Variants in HOXA3 observed in about 807,000 individuals in gnomAD.
HOXA3 encodes homeobox A3.
In HOXA3, 8 loss-of-function variants were observed where a neutral mutation model predicts 30.3. That is an observed-to-expected ratio of 0.26 (90% CI 0.15 to 0.48). The LOEUF (loss-of-function observed/expected upper bound fraction) is 0.48. HOXA3 is among the 20% of genes least tolerant of loss of function. The pLI is 0.99. For synonymous variants in HOXA3, 323 were observed against 273.1 expected, an observed-to-expected ratio of 1.18 and a Z score of -1.80; for missense variants, 653 against 614.4, an observed-to-expected ratio of 1.06 and a Z score of -0.66.
At chr7:27,139,835 C>G (rs1285291062) in intron 2 of HOXA3, among the ~76,000 whole-genome samples, 1 of 152,204 alleles carries the variant, frequency 6.6e-6, no homozygotes, top group Non-Finnish European at 1.5e-5. Context: ...AAGTCATTAA[C>G]ATCCGCGGTT....
chr7:27,148,566 C>T lies in HOXA3; in HGVS notation c.-494+3722G>A, dbSNP rs188691332. Among the ~76,000 whole-genome samples the T allele has an allele frequency of 9.2e-5, 14 of 152,354 alleles. No individual in the cohort carries two copies. In the East Asian group the frequency reaches 2.7e-3, roughly 29 times the overall value. ...CATCCTGTTTGAGTCCCAAGGGGCTCAATGGCCCGCGCCTGCCTGGTGTCA... is the reference window on the plus strand; with the variant it reads ...CATCCTGTTTGAGTCCCAAGGGGCTTAATGGCCCGCGCCTGCCTGGTGTCA... On this transcript the variant is annotated intron_variant, in intron 1 of 5. Coordinates refer to ENST00000612286, the MANE Select transcript of HOXA3 (RefSeq NM_153631.3).
At chr7:27,117,754 ACCCATCCCCCACCCCT>A (rs1313953836) in intron 4 of HOXA3, among the ~76,000 whole-genome samples, 1 of 132,274 alleles carries the variant, frequency 7.6e-6, no homozygotes, top group Non-Finnish European at 1.6e-5. Context: ...CTTCTCACCC[ACCCATCCCCCACCCCT>A]CCCAGGCAAT....
At chr7:27,130,312 G>A (rs1785476893) in intron 2 of HOXA3, 2 of 1,083,060 alleles carry the variant, frequency 1.8e-6, no homozygotes, top group South Asian at 8.7e-5. Flanking sequence ...CAGGGGCGGC[G>A]GCAGCTGGGG....
chr7:27,143,875 C>G (rs1202137252), intron 1 of HOXA3, among the ~76,000 whole-genome samples: 3 of 152,136 alleles, frequency 2.0e-5, no homozygotes, highest in Non-Finnish European at 4.4e-5. Flanking sequence ...GCCCCGGGCG[C>G]GTGCCCGCCG....
chr7:27,117,666 A>G (rs978191928), intron 4 of HOXA3, among the ~76,000 whole-genome samples: 3 of 152,142 alleles, frequency 2.0e-5, no homozygotes, highest in Non-Finnish European at 2.9e-5. Context: ...TCCCTCTTCC[A>G]GCTGCTCCGG....
In HOXA3 at chr7:27,147,482, G is replaced by A. The variant is rs145294674; in HGVS notation, c.-494+4806C>T. The A allele has an allele frequency of 9.9e-6, 16 of 1,614,070 alleles. No homozygotes were observed. In the African/African-American group the frequency reaches 2.0e-4, roughly 20 times the overall value. The stretch of plus-strand genomic sequence containing the variant: ...CCCCTCTGCTTGCCACTGCCCGAGG[G>A]CGAGGCGCCACTGAGGTCCTTATCA... On this transcript the variant is annotated intron_variant, in intron 1 of 5. Coordinates refer to ENST00000612286, the MANE Select transcript of HOXA3 (RefSeq NM_153631.3).
chr7:27,110,227 G>C lies in HOXA3; in HGVS notation c.414C>G (p.Ala138=), dbSNP rs1784281592. Residue 138 remains alanine, a synonymous_variant, in exon 5 of 6, where the codon GCC becomes GCG. Coordinates refer to ENST00000612286, the MANE Select transcript of HOXA3 (RefSeq NM_153631.3). ...PQNASNNPTP[A]NAAKSPLLNS... is the part of the protein sequence containing the mutation. ...TGAGCAGGGGGCTCTTGGCCGCGTT[G>C]GCAGGGGTAGGGTTGTTGCTGGCAT... The C allele has an allele frequency of 1.2e-6, 2 of 1,614,012 alleles. No homozygotes were observed. Among genetic ancestry groups the C allele is most frequent in the Non-Finnish European group, 1.7e-6 (2 of 1,180,032 alleles).
chr7:27,132,551 A>C (rs1785592817), intron 2 of HOXA3, among the ~76,000 whole-genome samples: 1 of 152,212 alleles, frequency 6.6e-6, no homozygotes, highest in Admixed American at 6.5e-5. Flanking sequence ...TTTCCACGTT[A>C]GGTGTATATG....
chr7:27,130,583 G>A, intron 2 of HOXA3: 1 of 1,508,014 alleles, frequency 6.6e-7, no homozygotes, highest in Non-Finnish European at 8.9e-7. Flanking sequence ...GGCAGGTGCT[G>A]GGTCGGGGGC....
At position 27,147,344 on chromosome 7, in the gene HOXA3, C is replaced by G. The variant is rs749585006; in HGVS notation, c.-494+4944G>C. On this transcript the variant is annotated intron_variant, in intron 1 of 5. Coordinates refer to ENST00000612286, the MANE Select transcript of HOXA3 (RefSeq NM_153631.3). The stretch of plus-strand genomic sequence containing the variant: ...TTCATCCGCTGCATCCAAGGGTAAA[C>G]CGGGCTCGTGTACTTCCGGTCGGCG... The G allele has an allele frequency of 1.1e-5, 17 of 1,614,080 alleles. No homozygotes were observed. In the South Asian group the frequency reaches 1.1e-4, roughly 10 times the overall value.
At chr7:27,130,027 C>A in intron 2 of HOXA3, 1 of 1,423,968 alleles carries the variant, frequency 7.0e-7, no homozygotes, top group East Asian at 2.6e-5. Flanking sequence ...CCGAGGCCCC[C>A]TTCCCCTGAG....
intron 1 of HOXA3, chr7:27,151,703 T>C (rs1026958076): frequency 6.6e-6 from 3 of 456,426 alleles, no homozygotes; most frequent in African/African-American, 6.0e-5. Flanking sequence ...TGTTTCCCCC[T>C]TCTACCTTTC....
chr7:27,109,520 C>T lies in HOXA3; in HGVS notation c.526+595G>A, dbSNP rs575108611. Among the ~76,000 whole-genome samples, 8 of 152,304 alleles carry T rather than the reference C, an allele frequency of 5.3e-5. No individual in the cohort carries two copies. In the South Asian group the frequency reaches 1.5e-3, roughly 28 times the overall value. Reference sequence around the variant, plus strand: ...CTGGGGCCTTTCCTCTACTGGAGCCCGCTTTCAGGAGGCCCATGTGGTTCC... The same window carrying T: ...CTGGGGCCTTTCCTCTACTGGAGCCTGCTTTCAGGAGGCCCATGTGGTTCC... On this transcript the variant is annotated intron_variant, in intron 5 of 5. Coordinates refer to ENST00000612286, the MANE Select transcript of HOXA3 (RefSeq NM_153631.3).
chr7:27,150,613 C>A (rs955492932), intron 1 of HOXA3: 4 of 152,448 alleles, frequency 2.6e-5, no homozygotes, highest in African/African-American at 9.6e-5. Flanking sequence ...CAGGTAGTCT[C>A]TCCGATTGCA....
chr7:27,139,808 G>T (rs976792859), intron 2 of HOXA3, among the ~76,000 whole-genome samples: 1 of 152,180 alleles, frequency 6.6e-6, no homozygotes, highest in Non-Finnish European at 1.5e-5. Flanking sequence ...CTTTTTGCAC[G>T]CCGGCGGGAG....
At chr7:27,147,928 G>T (rs1224753132) in intron 1 of HOXA3, among the ~76,000 whole-genome samples, 1 of 152,256 alleles carries the variant, frequency 6.6e-6, no homozygotes, top group African/African-American at 2.4e-5. Context: ...CGCTCCCCGG[G>T]GACCGCGGCG....
At chr7:27,109,657 G>A (rs1784247868) in intron 5 of HOXA3, among the ~76,000 whole-genome samples, 1 of 152,188 alleles carries the variant, frequency 6.6e-6, no homozygotes, top group South Asian at 2.1e-4. Flanking sequence ...CCATCTGCTG[G>A]AGCAAAAATT....
At chr7:27,129,562 C>A in intron 2 of HOXA3, 3 of 1,612,712 alleles carry the variant, frequency 1.9e-6, no homozygotes, top group Non-Finnish European at 2.5e-6. Context: ...TCCGTTATAA[C>A]TGGGGTTAAC....
At chr7:27,125,536 A>G (rs1030537644) in intron 3 of HOXA3, among the ~76,000 whole-genome samples, 6 of 152,174 alleles carry the variant, frequency 3.9e-5, no homozygotes, top group Non-Finnish European at 5.9e-5. Context: ...TCTTCCTCCT[A>G]TTGTTTCCAG....
Sources: gnomAD v4.1 joint callset for allele counts (sites outside exome capture counted in the v4.1 genomes callset) on GRCh38, gnomAD v4.1.1 for gene constraint, MANE v1.5 for transcripts, NCBI Gene and HGNC (gene_info 2026-07-23, HGNC 2026-07-21) for gene names.